CAB39: variants seen among roughly 807,000 people sequenced by gnomAD.
CAB39 encodes the protein calcium binding protein 39.
CAB39 carries 8 observed loss-of-function variants against 40.0 expected under a neutral mutation model. The observed-to-expected ratio is 0.20, with a 90% CI of 0.12 to 0.36. CAB39 has a LOEUF of 0.36. Ranked by LOEUF, CAB39 falls within the 10% of genes least tolerant of loss-of-function variation. CAB39 has a pLI of 1.00. For synonymous variants in CAB39, 156 were observed against 141.6 expected, an observed-to-expected ratio of 1.10 and a Z score of -0.72; for missense variants, 270 against 401.1, an observed-to-expected ratio of 0.67 and a Z score of 2.79.
At chr2:230,735,732 C>G (rs565122738) in intron 1 of CAB39, among the ~76,000 whole-genome samples, 2 of 152,120 alleles carry the variant, frequency 1.3e-5, no homozygotes, top group African/African-American at 4.8e-5. Context: ...CCAGGCTGGT[C>G]TTGAACTCCT....
At chr2:230,753,168 A>G (rs113191588) in intron 1 of CAB39, among the ~76,000 whole-genome samples, 6 of 152,324 alleles carry the variant, frequency 3.9e-5, no homozygotes, top group African/African-American at 1.4e-4. Context: ...AGAAGAAAAC[A>G]ACTAGCGGAG....
At chr2:230,739,260 T>TTA (rs1694836340) in intron 1 of CAB39, among the ~76,000 whole-genome samples, 1 of 152,222 alleles carries the variant, frequency 6.6e-6, no homozygotes, top group Non-Finnish European at 1.5e-5. Flanking sequence ...CTTTTGTATT[T>TTA]TAAAATACAG....
chr2:230,791,104 C>T (rs2124957236), intron 3 of CAB39, 68 bp downstream of exon 3: 1 of 1,170,350 alleles, frequency 8.5e-7, no homozygotes, highest in East Asian at 2.5e-5. Flanking sequence ...TACGTTCTCT[C>T]TTTTGGAACA....
intron 4 of CAB39, among the ~76,000 whole-genome samples, chr2:230,796,111 T>G (rs1695981912): frequency 6.6e-6 from 1 of 152,224 alleles, no homozygotes; most frequent in African/African-American, 2.4e-5. Flanking sequence ...ATGACCATCT[T>G]GCTCATTTTG....
At chr2:230,812,681 A>G (rs2466152) in intron 6 of CAB39, among the ~76,000 whole-genome samples, 2 of 152,212 alleles carry the variant, frequency 1.3e-5, no homozygotes, top group African/African-American at 4.8e-5. Context: ...ACTCAAATAC[A>G]TACCAAATAG....
chr2:230,733,377 C>T (rs1250853364), intron 1 of CAB39, among the ~76,000 whole-genome samples: 1 of 152,102 alleles, frequency 6.6e-6, no homozygotes, highest in Non-Finnish European at 1.5e-5. Flanking sequence ...CCCACATACC[C>T]CCAAGGTAGT....
intron 8 of CAB39, 46 bp downstream of exon 8, chr2:230,817,943 G>A (rs74535657): frequency 0.012 from 18,765 of 1,540,670 alleles, 169 homozygotes; most frequent in Non-Finnish European, 0.014. Context: ...GGAATTGTTC[G>A]TCGTCTTTCA....
chr2:230,727,402 T>TGTGTGTGTA (rs1559589592), intron 1 of CAB39, among the ~76,000 whole-genome samples: 37 of 105,454 alleles, frequency 3.5e-4, no homozygotes, highest in African/African-American at 1.9e-3. Flanking sequence ...GTGTGTGTAT[T>TGTGTGTGTA]TTTTTTTCTT....
chr2:230,790,289 T>G (rs868332157), intron 2 of CAB39, among the ~76,000 whole-genome samples: 4 of 152,118 alleles, frequency 2.6e-5, no homozygotes, highest in Admixed American at 6.5e-5. Flanking sequence ...CTCATTAGTC[T>G]TTTTCATGGG....
At chr2:230,748,362 A>T (rs1168138007) in intron 1 of CAB39, among the ~76,000 whole-genome samples, 1 of 152,160 alleles carries the variant, frequency 6.6e-6, no homozygotes, top group Non-Finnish European at 1.5e-5. Context: ...ATTGTGTTGT[A>T]TCATGAGTCA....
intron 1 of CAB39, among the ~76,000 whole-genome samples, chr2:230,716,613 G>A (rs536474729): frequency 4.6e-5 from 7 of 152,310 alleles, no homozygotes; most frequent in Non-Finnish European, 7.4e-5. Flanking sequence ...TGTTGCCCAG[G>A]CTGGTCTTGA....
chr2:230,796,933 G>A (rs1291910155), intron 4 of CAB39, among the ~76,000 whole-genome samples: 2 of 152,214 alleles, frequency 1.3e-5, no homozygotes, highest in African/African-American at 4.8e-5. Context: ...TGTGTGGCAG[G>A]TTGGGAGGTG....
chr2:230,818,436 T>C, intron 8 of CAB39, 80 bp from the exon 9 acceptor site: 1 of 1,192,472 alleles, frequency 8.4e-7, no homozygotes, highest in Non-Finnish European at 1.2e-6. Context: ...CAGCTCTGCT[T>C]TTCTGCACTG....
chr2:230,733,965 T>G (rs1162905147), intron 1 of CAB39, among the ~76,000 whole-genome samples: 1 of 152,238 alleles, frequency 6.6e-6, no homozygotes, highest in Non-Finnish European at 1.5e-5. Flanking sequence ...TCTTCCCCTG[T>G]TAATGACACA....
intron 2 of CAB39, chr2:230,779,042 G>T (rs972429878): frequency 6.6e-6 from 1 of 152,118 alleles, no homozygotes; most frequent in Non-Finnish European, 1.5e-5. Flanking sequence ...TGAGCATTAG[G>T]TGTGAACTTT....
Position 230,817,712 on chromosome 2 carries a change from T to TG in CAB39, c.694-42_694-41insG, listed in dbSNP as rs751512464. The TG allele has an allele frequency of 2.7e-6, 4 of 1,485,738 alleles. No homozygotes were observed. The South Asian group carries it at 5.0e-5, about 19-fold the overall frequency. The allele number at this position is 1,485,738 out of a possible 1,614,324, so 92.0% of individuals were successfully genotyped here. A position where few individuals can be genotyped will look rare whatever the true frequency, so the allele number is the denominator to read the frequency against. On this transcript the variant is annotated intron_variant, in intron 7 of 8. Coordinates refer to ENST00000258418, the MANE Select transcript of CAB39 (RefSeq NM_016289.4). The stretch of plus-strand genomic sequence containing the variant: ...TGTTTTTTTAAACTTTGATTTTTCT[T>TG]TAAGTTTTAATAACAAGGTAATTGT...
At chr2:230,742,886 T>G (rs1163757449) in intron 1 of CAB39, among the ~76,000 whole-genome samples, 1 of 152,206 alleles carries the variant, frequency 6.6e-6, no homozygotes, top group African/African-American at 2.4e-5. Context: ...GATTCAAGAC[T>G]GTGTAAATTG....
chr2:230,755,694 G>A (rs1695176706), intron 1 of CAB39, among the ~76,000 whole-genome samples: 1 of 152,196 alleles, frequency 6.6e-6, no homozygotes, highest in South Asian at 2.1e-4. Context: ...TGGGTTTTTG[G>A]TCAAGGAATT....
intron 2 of CAB39, among the ~76,000 whole-genome samples, chr2:230,777,190 A>G (rs1431345987): frequency 6.6e-6 from 1 of 152,096 alleles, no homozygotes; most frequent in African/African-American, 2.4e-5. Context: ...AAAATACAAG[A>G]CTATAAAGAA....
Sources: allele counts gnomAD v4.1 joint callset (sites outside exome capture counted in the v4.1 genomes callset), GRCh38; gene constraint gnomAD v4.1.1; transcripts MANE v1.5; gene names NCBI Gene and HGNC (gene_info 2026-07-23, HGNC 2026-07-21).